IGSF9: variants seen among roughly 807,000 people sequenced by gnomAD.
The protein encoded by IGSF9 is immunoglobulin superfamily member 9.
A neutral mutation model predicts 121.7 loss-of-function variants in IGSF9; 87 were observed. The ratio of observed to expected loss-of-function variants is 0.71; its 90% CI spans 0.60 to 0.85. The LOEUF (loss-of-function observed/expected upper bound fraction) is 0.85, where lower values mean the gene tolerates loss of function less well. Ranked by LOEUF, IGSF9 falls within the 40% of genes least tolerant of loss-of-function variation. The pLI, the probability that IGSF9 is intolerant of heterozygous loss-of-function variation, is 0.00. For synonymous variants in IGSF9, 640 were observed against 648.4 expected, an observed-to-expected ratio of 0.99 and a Z score of 0.20; for missense variants, 1,462 against 1,565.3, an observed-to-expected ratio of 0.93 and a Z score of 1.11.
intron 6 of IGSF9, 131 bp from the exon 7 acceptor site, chr1:159,934,953 G>T: frequency 1.9e-6 from 2 of 1,037,486 alleles, no homozygotes; most frequent in Non-Finnish European, 2.8e-6. Flanking sequence ...GCTTTGGGGA[G>T]TGGAAGCAGA....
In IGSF9 at chr1:159,943,517, G is replaced by C; in HGVS notation, c.-63C>G. On this transcript the variant is annotated 5_prime_UTR_variant, in exon 2 of 21. Coordinates refer to ENST00000368094, the MANE Select transcript of IGSF9 (RefSeq NM_001135050.2). ...CAGGAGCCCAGATGGAGGGGCCAAG[G>C]GATGTCCTTCTGATCAGCTCAGGGA... 6.9e-7 allele frequency: 1 copy of C among 1,444,376 alleles called. No individual in the cohort carries two copies. The highest frequency in any genetic ancestry group is 9.2e-7 in the Non-Finnish European group (1 of 1,082,774). 89.5% of individuals were successfully genotyped at this position (1,444,376 alleles called of 1,614,324 possible). A position where few individuals can be genotyped will look rare whatever the true frequency, so the allele number is the denominator to read the frequency against.
Position 159,934,812 on chromosome 1 carries a change from G to A in IGSF9, c.684C>T (p.Val228=). The A allele has an allele frequency of 4.3e-6, 7 of 1,614,130 alleles. No individual in the cohort carries two copies. Among genetic ancestry groups the A allele is most frequent in the Non-Finnish European group, 5.9e-6 (7 of 1,179,998 alleles). ...ATQLLVLGPP[V]IVVPPKNSTV... ...TGCTGTTCTTGGGGGGCACCACGAT[G>A]ACTGGGGGTCCTGTGGGATGCACAA... The change falls in exon 7 of 21, where the codon GTC becomes GTT. Residue 228 remains valine, a synonymous_variant. Transcript: ENST00000368094.
At position 159,930,238 on chromosome 1, in the gene IGSF9, G is replaced by T. The variant is rs376264039; in HGVS notation, c.2015C>A (p.Pro672Gln). The T allele has an allele frequency of 1.9e-6, 3 of 1,613,368 alleles. No homozygotes were observed. Among genetic ancestry groups the T allele is most frequent in the East Asian group, 4.5e-5 (2 of 44,852 alleles). ...CTCTGTTTCTGTGCCTGCCACAGCC[G>T]GGTCCAGCACCTCCCAGCCCTGGGA... ...QGSQGWEVLD[P>Q]AVAGTETELL... Residue 672 changes from proline (P) to glutamine (Q), a missense_variant, in exon 15 of 21, where the codon CCG (proline) becomes CAG (glutamine). Around this residue, in one of 3 missense-constraint regions of IGSF9, gnomAD observed 808 missense variants for 815.2 expected, o/e 0.99. Transcript: ENST00000368094.
chr1:159,932,863 A>C lies in IGSF9; in HGVS notation c.1105-211T>G, dbSNP rs1651045634. ...CCCAATAGTGTGAGGCTGTGACTGC[A>C]CAACTCCAGGGGGTGCCACTCACAG... On this transcript the variant is annotated intron_variant, in intron 9 of 20. Transcript: ENST00000368094. The surrounding 1 kb of genome is among the most constrained non-coding windows in gnomAD (Gnocchi z 4.1). 1.9e-6 allele frequency: 1 copy of C among 533,240 alleles called. No individual in the cohort carries two copies. Among genetic ancestry groups the C allele is most frequent in the East Asian group, 3.3e-5 (1 of 30,138 alleles). 33.0% of individuals were successfully genotyped at this position (533,240 alleles called of 1,614,324 possible). A position where few individuals can be genotyped will look rare whatever the true frequency, so the allele number is the denominator to read the frequency against.
At chr1:159,938,617 G>A (rs1651279413) in intron 3 of IGSF9, among the ~76,000 whole-genome samples, 1 of 152,198 alleles carries the variant, frequency 6.6e-6, no homozygotes, top group Non-Finnish European at 1.5e-5. Flanking sequence ...ACCCCAGACA[G>A]CTTCATGGGT....
intron 6 of IGSF9, among the ~76,000 whole-genome samples, chr1:159,935,080 GGT>G (rs1480912167): frequency 6.6e-6 from 1 of 152,130 alleles, no homozygotes; most frequent in East Asian, 1.9e-4. Flanking sequence ...GCCTAGGAAT[GGT>G]GTGTGTGTTT....
intron 5 of IGSF9, 29 bp from the exon 6 acceptor site, chr1:159,936,545 C>G (rs369164880): frequency 1.6e-5 from 26 of 1,602,848 alleles, no homozygotes; most frequent in Non-Finnish European, 2.2e-5. Flanking sequence ...AGGAAGAGTC[C>G]TTTCCCCTGC....
Position 159,932,425 on chromosome 1 carries a change from A to AC in IGSF9, c.1245+86dup. ...AAACCCCTCCCCATGTGTCTGCCCC[A>AC]CCCCACCCCCATCAGCCTGGCCTTA... On this transcript the variant is annotated intron_variant, in intron 10 of 20. Transcript: ENST00000368094. This position sits in a 1 kb window ranked among gnomAD's most constrained non-coding sequence, Gnocchi z 4.1. The AC allele has an allele frequency of 1.8e-6, 1 of 559,826 alleles. No individual in the cohort carries two copies. The highest frequency in any genetic ancestry group is 2.9e-6 in the Non-Finnish European group (1 of 341,786). 34.7% of individuals were successfully genotyped at this position (559,826 alleles called of 1,614,324 possible). A position where few individuals can be genotyped will look rare whatever the true frequency, so the allele number is the denominator to read the frequency against.
rs753198035 is a variant in IGSF9 at position 159,928,373 on chromosome 1, C to G, written c.3015G>C (p.Arg1005Ser). Reference protein sequence around the residue: ...PYTALADWTLRERLLPGLLPA... With the variant: ...PYTALADWTLSERLLPGLLPA... ...GGAGAAGGCCTGGCAGCAGCCGCTC[C>G]CTCAGTGTCCAGTCAGCCAGGGCTG... The change falls in exon 19 of 21, where the codon AGG (arginine) becomes AGC (serine). Residue 1005 changes from arginine (R) to serine (S), a missense_variant. Around this residue, in one of 3 missense-constraint regions of IGSF9, gnomAD observed 808 missense variants for 815.2 expected, o/e 0.99. Coordinates refer to ENST00000368094, the MANE Select transcript of IGSF9 (RefSeq NM_001135050.2). 1.9e-6 allele frequency: 3 copies of G among 1,609,526 alleles called. No individual in the cohort carries two copies. Among genetic ancestry groups the G allele is most frequent in the Non-Finnish European group, 2.5e-6 (3 of 1,178,072 alleles).
chr1:159,935,421 A>G (rs1651150483), intron 6 of IGSF9, among the ~76,000 whole-genome samples: 1 of 151,764 alleles, frequency 6.6e-6, no homozygotes, highest in Admixed American at 6.6e-5. Flanking sequence ...GCCCTCATGA[A>G]CTCTTTCAGG....
Position 159,927,076 on chromosome 1 carries a change from TCACACA to T in IGSF9, c.*263_*268del, listed in dbSNP as rs138111490. On this transcript the variant is annotated 3_prime_UTR_variant, in exon 21 of 21. Coordinates refer to ENST00000368094, the MANE Select transcript of IGSF9 (RefSeq NM_001135050.2). ...TTTGTTTATTCACCTGTAAAAAACT[TCACACA>T]CACACACACACACACAGAGAGAGAG... 212 of 362,228 alleles carry T rather than the reference TCACACA, an allele frequency of 5.9e-4. No homozygotes were observed. Among genetic ancestry groups the T allele is most frequent in the African/African-American group, 4.4e-3 (190 of 43,184 alleles). The allele number at this position is 362,228 out of a possible 1,614,324, so 22.4% of individuals were successfully genotyped here.
chr1:159,942,983 C>T lies in IGSF9; in HGVS notation c.227G>A (p.Arg76Gln), dbSNP rs757719031. ...IFIQFGLYSPRIDPDYVGRVR... is the reference protein window; with the variant it reads ...IFIQFGLYSPQIDPDYVGRVR... ...CTTACCCACGTAATCAGGGTCAATTCGGGGAGAGTAGAGGCCGAACTGGAT... is the reference window on the plus strand; with the variant it reads ...CTTACCCACGTAATCAGGGTCAATTTGGGGAGAGTAGAGGCCGAACTGGAT... Residue 76 changes from arginine (R) to glutamine (Q), a missense_variant, in exon 3 of 21, where the codon CGA (arginine) becomes CAA (glutamine). Transcript: ENST00000368094. 5.6e-6 allele frequency: 9 copies of T among 1,612,932 alleles called. No homozygotes were observed. In the East Asian group the frequency reaches 6.7e-5, roughly 12 times the overall value.
chr1:159,934,198 G>A lies in IGSF9; in HGVS notation c.1096C>T (p.Leu366=). The stretch of plus-strand genomic sequence containing the variant: ...CTGCCCCAAGCCTGTACCTTGTCCA[G>A]CTGCAGGGCCTTTCCATCCTTGGTC... The part of the protein sequence containing the change: ...SWTKDGKALQ[L]DKFPGWSQGT... Residue 366 remains leucine, a synonymous_variant, in exon 9 of 21, where the codon CTG becomes TTG. Coordinates refer to ENST00000368094, the MANE Select transcript of IGSF9 (RefSeq NM_001135050.2). 6.2e-7 allele frequency: 1 copy of A among 1,613,082 alleles called. No individual in the cohort carries two copies. The highest frequency in any genetic ancestry group is 8.5e-7 in the Non-Finnish European group (1 of 1,179,596).
In IGSF9 at chr1:159,943,148, C is replaced by T. The variant is rs754997577; in HGVS notation, c.62G>A (p.Arg21Gln). 24 of 1,585,490 alleles carry T rather than the reference C, an allele frequency of 1.5e-5. No homozygotes were observed. The highest frequency in any genetic ancestry group is 1.9e-5 in the Non-Finnish European group (22 of 1,169,576). The stretch of plus-strand genomic sequence containing the variant: ...CACCGATACCACCTCAGGCTTCCCT[C>T]GACCTGCATGATGGGTGGCATGAGG... ...SLVISQGADGRGKPEVVSVVG... is the reference protein window; with the variant it reads ...SLVISQGADGQGKPEVVSVVG... The change falls in exon 3 of 21, where the codon CGA becomes CAA. Residue 21 changes from arginine to glutamine, a missense_variant. Coordinates refer to ENST00000368094, the MANE Select transcript of IGSF9 (RefSeq NM_001135050.2).
Position 159,929,807 on chromosome 1 carries a change from C to A in IGSF9, c.2157G>T (p.Glu719Asp). 1 of 1,604,958 alleles carries A rather than the reference C, an allele frequency of 6.2e-7. No homozygotes were observed. Among genetic ancestry groups the A allele is most frequent in the Non-Finnish European group, 8.5e-7 (1 of 1,176,610 alleles). Residue 719 changes from glutamate to aspartate, a missense_variant, in exon 17 of 21, where the codon GAG becomes GAT. Physicochemically the swap from Glu to Asp is conservative, Grantham distance 45. Around this residue, in one of 3 missense-constraint regions of IGSF9, gnomAD observed 808 missense variants for 815.2 expected, o/e 0.99. Coordinates refer to ENST00000368094, the MANE Select transcript of IGSF9 (RefSeq NM_001135050.2). ...NTANVSTSGL[E>D]VYPSRTQLPG... ...GCAGCTGCGTGCGCGAAGGGTAGAC[C>A]TCCAGACCTAGGCAGGGGTCCACGA...
Position 159,936,976 on chromosome 1 carries a change from A to T in IGSF9, c.401-68T>A, listed in dbSNP as rs1183980952. 2.0e-6 allele frequency: 3 copies of T among 1,524,516 alleles called. No individual in the cohort carries two copies. In the Admixed American group the frequency reaches 5.2e-5, roughly 27 times the overall value. The allele number at this position is 1,524,516 out of a possible 1,614,324, so 94.4% of individuals were successfully genotyped here. On this transcript the variant is annotated intron_variant, in intron 4 of 20. Transcript: ENST00000368094. ...GCCCAAAAAGCAGTGTCCAAGGGCCAGGGAGACCACTCAGGGCTCCAGCCT... is the reference window on the plus strand; with the variant it reads ...GCCCAAAAAGCAGTGTCCAAGGGCCTGGGAGACCACTCAGGGCTCCAGCCT...
rs1385691836 is a variant in IGSF9, at chr1:159,928,849, G to A, written c.2539C>T (p.Arg847Trp). Residue 847 changes from arginine (R) to tryptophan (W), a missense_variant, in exon 19 of 21, where the codon CGG becomes TGG. Arg to Trp is a moderately radical substitution (Grantham distance 101). This residue lies in a region of IGSF9 where 808 missense variants were observed against 815.2 expected (regional missense o/e 0.99). Coordinates refer to ENST00000368094, the MANE Select transcript of IGSF9 (RefSeq NM_001135050.2). ...RGPLPLEPICRGPDGRFVMGP... is the reference protein window; with the variant it reads ...RGPLPLEPICWGPDGRFVMGP... ...ATCACAAAGCGCCCGTCTGGGCCCC[G>A]GCAAATGGGCTCCAGAGGTAAGGGT... The A allele has an allele frequency of 1.0e-5, 16 of 1,568,176 alleles. No individual in the cohort carries two copies. The highest frequency in any genetic ancestry group is 2.3e-5 in the East Asian group (1 of 43,092).
Position 159,931,712 on chromosome 1 carries a change from C to T in IGSF9, c.1362+100G>A. 1 of 1,500,396 alleles carries T rather than the reference C, an allele frequency of 6.7e-7. No individual in the cohort carries two copies. Among genetic ancestry groups the T allele is most frequent in the Non-Finnish European group, 9.1e-7 (1 of 1,100,786 alleles). The allele number at this position is 1,500,396 out of a possible 1,614,324, so 92.9% of individuals were successfully genotyped here. ...TCCTCCCCACCCTGCCTCTGACAGCCTTCTCCTTCCCACACCCTCCCTCCC... is the reference window on the plus strand; with the variant it reads ...TCCTCCCCACCCTGCCTCTGACAGCTTTCTCCTTCCCACACCCTCCCTCCC... On this transcript the variant is annotated intron_variant, in intron 11 of 20. Transcript: ENST00000368094. The surrounding 1 kb of genome is among the most constrained non-coding windows in gnomAD (Gnocchi z 4.8).
At chr1:159,927,968 C>G in intron 19 of IGSF9, 81 bp from the exon 20 acceptor site, 1 of 1,535,760 alleles carries the variant, frequency 6.5e-7, no homozygotes, top group Non-Finnish European at 8.8e-7. Flanking sequence ...ATTCAGCGAC[C>G]GCAAACTCAC....
Sources: allele counts gnomAD v4.1 joint callset (sites outside exome capture counted in the v4.1 genomes callset), GRCh38; gene constraint gnomAD v4.1.1; regional missense constraint gnomAD v4.1.1; non-coding constraint Gnocchi (gnomAD v3.1); transcripts MANE v1.5; gene names NCBI Gene and HGNC (gene_info 2026-07-23, HGNC 2026-07-21).